BEND7: variants seen among roughly 807,000 people sequenced by gnomAD.
BEND7 encodes BEN domain-containing protein 7.
In BEND7, 28 loss-of-function variants were observed where a neutral mutation model predicts 50.9. The observed-to-expected ratio is 0.55, with a 90% CI of 0.41 to 0.75. The LOEUF (loss-of-function observed/expected upper bound fraction) is 0.75. Among genes scored for constraint, BEND7 ranks in the 30% least tolerant of loss-of-function variants. The pLI, the probability that BEND7 is intolerant of heterozygous loss-of-function variation, is 0.00. For synonymous variants in BEND7, 170 were observed against 183.9 expected (o/e 0.92, Z 0.61); for missense variants, 477 against 491.3 (o/e 0.97, Z 0.28).
In BEND7 at chr10:13,452,543, G is replaced by T. The variant is rs1308895980; in HGVS notation, c.1179C>A (p.Gly393=). The change falls in exon 7 of 9, where the codon GGC becomes GGA. Residue 393 remains glycine (G), a synonymous_variant. Coordinates refer to ENST00000466271, the MANE Select transcript of BEND7 (RefSeq NM_001369863.1). ...IKLARRRLKR[G]SEIADSDERL... ...TTTTCTGCACCTTAGTCATACCTGA[G>T]CCTCTTTTTAACCTTCTTCTGGCCA... The T allele has an allele frequency of 1.9e-6, 3 of 1,607,920 alleles. No individual in the cohort carries two copies. The highest frequency in any genetic ancestry group is 3.4e-5 in the Admixed American group (2 of 58,428).
chr10:13,441,067 C>G (rs376099883), downstream of BEND7: 41 of 982,304 alleles, frequency 4.2e-5, 1 homozygote, highest in East Asian at 2.0e-3. Flanking sequence ...GACCGGCACA[C>G]AGGCAAGATC....
intron 6 of BEND7, among the ~76,000 whole-genome samples, chr10:13,452,936 T>C (rs988155432): frequency 2.0e-5 from 3 of 152,228 alleles, no homozygotes; most frequent in Non-Finnish European, 4.4e-5. Flanking sequence ...TCCATGTGTA[T>C]GTGTCTTATA....
At chr10:13,511,556 A>G (rs1370355512) in intron 2 of BEND7, among the ~76,000 whole-genome samples, 2 of 152,192 alleles carry the variant, frequency 1.3e-5, no homozygotes, top group Admixed American at 1.3e-4. Context: ...CAGCAAGAAA[A>G]GTCAAGCAGG....
At chr10:13,490,188 G>A (rs562100961) in intron 5 of BEND7, among the ~76,000 whole-genome samples, 3 of 152,176 alleles carry the variant, frequency 2.0e-5, no homozygotes, top group African/African-American at 4.8e-5. Context: ...GAGTCACAAC[G>A]CAAAAAGGGA....
chr10:13,455,486 G>A (rs776031342), intron 6 of BEND7, among the ~76,000 whole-genome samples: 1 of 152,146 alleles, frequency 6.6e-6, no homozygotes, highest in Non-Finnish European at 1.5e-5. Flanking sequence ...GCTGGGGAGG[G>A]TGGCCAATCT....
chr10:13,500,249 G>GA (rs1399297655), intron 2 of BEND7, among the ~76,000 whole-genome samples, 169 bp from the exon 3 acceptor site: 1 of 152,198 alleles, frequency 6.6e-6, no homozygotes, highest in Non-Finnish European at 1.5e-5. Flanking sequence ...ACTACGGTCT[G>GA]AAAAAACCCA....
At chr10:13,516,706 C>T (rs114432279) in intron 2 of BEND7, among the ~76,000 whole-genome samples, 1,769 of 152,166 alleles carry the variant, frequency 0.012, 30 homozygotes, top group African/African-American at 0.039. Context: ...GCTTGGGTGA[C>T]ACAGCGAGAC....
intron 8 of BEND7, chr10:13,445,933 T>C (rs1836221492): frequency 6.6e-6 from 1 of 152,162 alleles, no homozygotes; most frequent in Admixed American, 6.5e-5. Flanking sequence ...TCTATTACGA[T>C]TAGGATTTCA....
Position 13,492,959 on chromosome 10 carries a change from C to A in BEND7, c.572-83G>T, listed in dbSNP as rs1588930953. 2.7e-6 allele frequency: 4 copies of A among 1,473,682 alleles called. No homozygotes were observed. In the East Asian group the frequency reaches 9.3e-5, roughly 34 times the overall value. 91.3% of individuals were successfully genotyped at this position (1,473,682 alleles called of 1,614,324 possible). On this transcript the variant is annotated intron_variant, in intron 4 of 8. Transcript: ENST00000466271. Reference sequence around the variant, plus strand: ...ATCTCCGGTCTATCCATGTGATCTACAAACTGAAACCGAAACGAGGAAAAC... The same window carrying A: ...ATCTCCGGTCTATCCATGTGATCTAAAAACTGAAACCGAAACGAGGAAAAC...
downstream of BEND7, among the ~76,000 whole-genome samples, chr10:13,439,864 C>T (rs770785782): frequency 8.5e-5 from 13 of 152,384 alleles, no homozygotes; most frequent in Non-Finnish European, 1.9e-4. Context: ...CCCAGCCCCT[C>T]GGCATGGCGC....
chr10:13,467,907 G>T (rs1205379995), intron 6 of BEND7, among the ~76,000 whole-genome samples: 1 of 152,082 alleles, frequency 6.6e-6, no homozygotes, highest in African/African-American at 2.4e-5. Flanking sequence ...TTATGTGAGT[G>T]GTGCTGTTTC....
rs1371906489 is a variant in BEND7 at position 13,528,909 on chromosome 10, GGGGGCGGCTC to G, written c.-386_-377del. On this transcript the variant is annotated 5_prime_UTR_variant, in exon 1 of 9. Coordinates refer to ENST00000466271, the MANE Select transcript of BEND7 (RefSeq NM_001369863.1). ...GGGCGCGGCGGCGGCGGCGGAGGCG[GGGGGCGGCTC>G]GGGGCGGCCGGCCCGCCTGGGCTCA... 2 of 144,644 alleles carry G rather than the reference GGGGGCGGCTC, an allele frequency of 1.4e-5. No homozygotes were observed. Among genetic ancestry groups the G allele is most frequent in the East Asian group, 2.1e-4 (1 of 4,842 alleles). The allele number at this position is 144,644 out of a possible 1,614,324, so 9.0% of individuals were successfully genotyped here. A position where few individuals can be genotyped will look rare whatever the true frequency, so the allele number is the denominator to read the frequency against.
chr10:13,447,972 T>C (rs1234596144), intron 7 of BEND7, among the ~76,000 whole-genome samples: 3 of 152,076 alleles, frequency 2.0e-5, no homozygotes, highest in African/African-American at 7.2e-5. Flanking sequence ...CCGGAACCAC[T>C]CCTGGGGGGC....
chr10:13,518,020 C>T (rs1437992031), intron 2 of BEND7, among the ~76,000 whole-genome samples: 1 of 152,252 alleles, frequency 6.6e-6, no homozygotes, highest in East Asian at 1.9e-4. Flanking sequence ...CCTTATTTCA[C>T]TGTATAGATG....
At chr10:13,497,487 G>A (rs1040805178) in intron 3 of BEND7, among the ~76,000 whole-genome samples, 1 of 152,168 alleles carries the variant, frequency 6.6e-6, no homozygotes, top group East Asian at 1.9e-4. Flanking sequence ...GGATGCGTTC[G>A]AGGGTATTGG....
intron 6 of BEND7, chr10:13,480,610 T>C: frequency 1.0e-6 from 1 of 980,488 alleles, no homozygotes; most frequent in Non-Finnish European, 1.2e-6. Flanking sequence ...AAATTACAAA[T>C]TACCTGCATT....
At chr10:13,478,569 T>G (rs748244269) in intron 6 of BEND7, among the ~76,000 whole-genome samples, 2 of 142,912 alleles carry the variant, frequency 1.4e-5, no homozygotes, top group African/African-American at 2.5e-5. Context: ...ACATTCACAT[T>G]TGAATAAAAA....
intron 4 of BEND7, among the ~76,000 whole-genome samples, chr10:13,495,758 T>C (rs2076979258): frequency 6.6e-6 from 1 of 152,224 alleles, no homozygotes; most frequent in African/African-American, 2.4e-5. Context: ...GCTTTTTATA[T>C]CAAAACCACA....
chr10:13,448,175 T>C (rs1836839836), intron 7 of BEND7, among the ~76,000 whole-genome samples: 1 of 152,224 alleles, frequency 6.6e-6, no homozygotes, highest in Non-Finnish European at 1.5e-5. Flanking sequence ...CCTTGGGAGT[T>C]TTCCAAAGGT....
Sources: allele counts gnomAD v4.1 joint callset (sites outside exome capture counted in the v4.1 genomes callset), GRCh38; gene constraint gnomAD v4.1.1; transcripts MANE v1.5; gene names NCBI Gene and HGNC (gene_info 2026-07-23, HGNC 2026-07-21).